The following LDLRAD3 variants were observed in gnomAD, a reference collection of about 807,000 sequenced individuals.
LDLRAD3 encodes the protein low-density lipoprotein receptor class A domain-containing protein 3.
In LDLRAD3, 20 loss-of-function variants were observed where a neutral mutation model predicts 29.4. The ratio of observed to expected loss-of-function variants is 0.68; its 90% CI spans 0.48 to 0.99. LDLRAD3 has a LOEUF of 0.99. LDLRAD3 is among the 50% of genes least tolerant of loss of function. The probability of loss-of-function intolerance (pLI) is 0.00; values close to 1 mark genes in which losing one functional copy is unlikely to be tolerated. For missense variants in LDLRAD3, 420 were observed against 454.3 expected, an observed-to-expected ratio of 0.92 and a Z score of 0.69; for synonymous variants, 157 against 192.7, an observed-to-expected ratio of 0.81 and a Z score of 1.53.
chr11:36,198,104 G>A (rs994267810), intron 4 of LDLRAD3, among the ~76,000 whole-genome samples: 2 of 152,076 alleles, frequency 1.3e-5, no homozygotes, highest in East Asian at 3.9e-4. Flanking sequence ...TCTAGCATGT[G>A]CTATGATGAA....
At chr11:36,107,586 T>C (rs1036021725) in intron 4 of LDLRAD3, among the ~76,000 whole-genome samples, 7 of 152,180 alleles carry the variant, frequency 4.6e-5, no homozygotes, top group Admixed American at 3.3e-4. Flanking sequence ...GAAATTATAA[T>C]ACCATGTCTT....
intron 2 of LDLRAD3, among the ~76,000 whole-genome samples, chr11:36,040,151 T>TG (rs1378278209): frequency 7.5e-6 from 1 of 134,064 alleles, no homozygotes; most frequent in Non-Finnish European, 1.6e-5. Flanking sequence ...GCTTTGGCAT[T>TG]GGAAAGATAA....
intron 4 of LDLRAD3, among the ~76,000 whole-genome samples, chr11:36,133,902 C>G (rs995434260): frequency 1.2e-4 from 19 of 152,028 alleles, no homozygotes; most frequent in East Asian, 1.9e-4. Flanking sequence ...AATGTCTGTT[C>G]TAGTTGAAAG....
At chr11:36,109,537 C>T (rs1853578319) in intron 4 of LDLRAD3, among the ~76,000 whole-genome samples, 1 of 152,176 alleles carries the variant, frequency 6.6e-6, no homozygotes, top group Admixed American at 6.5e-5. Context: ...GCTTGCTTTC[C>T]ACTTTGCTGC....
intron 1 of LDLRAD3, among the ~76,000 whole-genome samples, chr11:36,024,131 A>T (rs940689531): frequency 1.3e-5 from 2 of 152,066 alleles, no homozygotes; most frequent in Non-Finnish European, 2.9e-5. Flanking sequence ...CACTCTAGAG[A>T]GGCAGGAAGA....
chr11:36,089,496 C>T lies in LDLRAD3; in HGVS notation c.319+7718C>T, dbSNP rs573555104. ...AGGCTGGAGTGCAGTGGCACGATCT[C>T]GGCTAACTGCAACCTCCGCCTCCCG... On this transcript the variant is annotated intron_variant, in intron 3 of 5. Transcript: ENST00000315571. 5.3e-5 allele frequency among the ~76,000 whole-genome samples: 8 copies of T among 151,608 alleles called. 1 individual carries two copies. The Middle Eastern group carries it at 0.01, about 193-fold the overall frequency.
intron 1 of LDLRAD3, among the ~76,000 whole-genome samples, chr11:36,011,704 G>A (rs550849771): frequency 1.3e-5 from 2 of 152,272 alleles, no homozygotes; most frequent in Admixed American, 6.5e-5. Flanking sequence ...GAGATTTAGC[G>A]AGCCAGTTAG....
chr11:36,166,061 G>A (rs1854511260), intron 4 of LDLRAD3, among the ~76,000 whole-genome samples: 1 of 150,682 alleles, frequency 6.6e-6, no homozygotes, highest in South Asian at 2.1e-4. Flanking sequence ...TAGGTGAAGG[G>A]CTGACAGAGG....
chr11:36,078,122 C>T (rs367594090), intron 2 of LDLRAD3, among the ~76,000 whole-genome samples: 253 of 152,192 alleles, frequency 1.7e-3, no homozygotes, highest in African/African-American at 5.8e-3. Context: ...TGGCTGAGTC[C>T]GGAGTTTTTA....
At chr11:35,968,580 T>G (rs899187877) in intron 1 of LDLRAD3, 3 of 200,156 alleles carry the variant, frequency 1.5e-5, no homozygotes, top group African/African-American at 7.0e-5. Flanking sequence ...ACTTCACTCT[T>G]CTCTGGGATC....
At chr11:36,008,911 T>TTA (rs1431138981) in intron 1 of LDLRAD3, among the ~76,000 whole-genome samples, 1 of 152,220 alleles carries the variant, frequency 6.6e-6, no homozygotes. Context: ...ACTGTGGAGA[T>TTA]TATAGCAGTC....
chr11:36,036,852 A>G (rs1012886706), intron 2 of LDLRAD3, among the ~76,000 whole-genome samples: 2 of 152,036 alleles, frequency 1.3e-5, no homozygotes, highest in Admixed American at 1.3e-4. Flanking sequence ...TGGTTTTGTG[A>G]TCCTTCCCAC....
intron 4 of LDLRAD3, among the ~76,000 whole-genome samples, chr11:36,187,776 C>T (rs1854874837): frequency 6.6e-6 from 1 of 152,172 alleles, no homozygotes; most frequent in Admixed American, 6.5e-5. Flanking sequence ...TGTGTGACTA[C>T]AGGACATTTC....
intron 1 of LDLRAD3, among the ~76,000 whole-genome samples, chr11:35,956,604 C>A (rs1246768429): frequency 3.3e-5 from 5 of 152,220 alleles, no homozygotes; most frequent in African/African-American, 1.2e-4. Context: ...CTTGCCTTGA[C>A]CTTGGCTAGG....
At chr11:36,097,831 AC>A (rs1402945813) in intron 3 of LDLRAD3, among the ~76,000 whole-genome samples, 1 of 150,302 alleles carries the variant, frequency 6.7e-6, no homozygotes, top group Non-Finnish European at 1.5e-5. Flanking sequence ...AAATAAAAAA[AC>A]AAAAATGGAA....
intron 1 of LDLRAD3, among the ~76,000 whole-genome samples, chr11:35,987,421 G>A (rs563688617): frequency 2.6e-5 from 4 of 152,244 alleles, no homozygotes; most frequent in Admixed American, 2.6e-4. Context: ...TTCCTCCTCT[G>A]TCTAGCAGTC....
At chr11:36,069,406 A>G (rs1049631124) in intron 2 of LDLRAD3, among the ~76,000 whole-genome samples, 16 of 152,242 alleles carry the variant, frequency 1.1e-4, no homozygotes, top group Non-Finnish European at 1.8e-4. Flanking sequence ...AGAGGACTGA[A>G]TATATTAATA....
intron 2 of LDLRAD3, among the ~76,000 whole-genome samples, chr11:36,036,786 T>C (rs1423736732): frequency 6.6e-6 from 1 of 152,172 alleles, no homozygotes. Context: ...TGCCGATAGA[T>C]ATGGCTTGAG....
At chr11:35,954,467 A>G (rs1039239099) in intron 1 of LDLRAD3, among the ~76,000 whole-genome samples, 4 of 152,208 alleles carry the variant, frequency 2.6e-5, no homozygotes, top group African/African-American at 7.2e-5. Context: ...AACCTGATTC[A>G]GTGCTTGGCA....
Sources: allele counts gnomAD v4.1 joint callset (sites outside exome capture counted in the v4.1 genomes callset), GRCh38; gene constraint gnomAD v4.1.1; transcripts MANE v1.5; gene names NCBI Gene and HGNC (gene_info 2026-07-23, HGNC 2026-07-21).